Variants in SLC8A1 observed in about 807,000 individuals in gnomAD.
SLC8A1 encodes sodium/calcium exchanger 1.
SLC8A1 carries 18 observed loss-of-function variants against 68.3 expected under a neutral mutation model. That is an observed-to-expected ratio of 0.26 (90% CI 0.18 to 0.39). The LOEUF is 0.39. SLC8A1 is among the 10% of genes least tolerant of loss of function. The pLI, the probability that SLC8A1 is intolerant of heterozygous loss-of-function variation, is 1.00. For missense variants in SLC8A1, 985 were observed against 1,156.7 expected, an observed-to-expected ratio of 0.85 and a Z score of 2.15; for synonymous variants, 475 against 415.5, an observed-to-expected ratio of 1.14 and a Z score of -1.74.
upstream of SLC8A1, among the ~76,000 whole-genome samples, chr2:40,456,184 C>T (rs1360370360): frequency 5.9e-5 from 9 of 151,942 alleles, no homozygotes; most frequent in South Asian, 2.1e-4. Context: ...GGCGTGGTGG[C>T]GGGCACCTGT....
chr2:40,357,463 T>G (rs1575660583), intron 2 of SLC8A1, among the ~76,000 whole-genome samples: 1 of 138,134 alleles, frequency 7.2e-6, no homozygotes, highest in Admixed American at 8.0e-5. Context: ...TGCCACTGCA[T>G]GCCGGCCTGG....
intron 2 of SLC8A1, among the ~76,000 whole-genome samples, chr2:40,310,742 T>C (rs2073521134): frequency 6.6e-6 from 1 of 151,990 alleles, no homozygotes; most frequent in Non-Finnish European, 1.5e-5. Context: ...CTCCCTCCAC[T>C]CAGTAGAATA....
chr2:40,194,871 G>A (rs986057799), intron 2 of SLC8A1, among the ~76,000 whole-genome samples: 2 of 152,022 alleles, frequency 1.3e-5, no homozygotes, highest in African/African-American at 4.8e-5. Flanking sequence ...CAGGGAGTCT[G>A]TACAAAGCCA....
chr2:40,459,038 A>G (rs1314658463), intron 1 of SLC8A1, among the ~76,000 whole-genome samples: 2 of 152,194 alleles, frequency 1.3e-5, no homozygotes, highest in African/African-American at 4.8e-5. Context: ...TTCAACAAAT[A>G]TTTATAAGGA....
At chr2:40,447,545 C>A (rs888152717) in intron 1 of SLC8A1, among the ~76,000 whole-genome samples, 1 of 150,852 alleles carries the variant, frequency 6.6e-6, no homozygotes, top group African/African-American at 2.4e-5. Context: ...TTCCAGGCCC[C>A]CAGGACTTTG....
intron 2 of SLC8A1, among the ~76,000 whole-genome samples, chr2:40,304,959 G>C (rs1250504677): frequency 3.3e-5 from 5 of 152,162 alleles, no homozygotes; most frequent in Non-Finnish European, 5.9e-5. Flanking sequence ...TTAGGTCAGT[G>C]CTTCTAAACT....
Position 40,509,505 on chromosome 2 carries a change from C to G in SLC8A1, c.-25+2844G>C, listed in dbSNP as rs562820389. On this transcript the variant is annotated intron_variant, in intron 1 of 7. Coordinates refer to the SLC8A1 transcript ENST00000402441. ...ATCTTTTCCCTTGAAACATAATGAC[C>G]TTTTCTGTGGGCCAAAATTTTCCAG... Among the ~76,000 whole-genome samples the G allele has an allele frequency of 8.1e-4, 112 of 139,122 alleles. 1 individual carries two copies. Among genetic ancestry groups the G allele is most frequent in the Middle Eastern group, 4.2e-3 (1 of 236 alleles). The allele number at this position is 139,122 out of a possible 152,430, so 91.3% of individuals were successfully genotyped here. A position where few individuals can be genotyped will look rare whatever the true frequency, so the allele number is the denominator to read the frequency against.
chr2:40,125,143 G>A (rs2037791931), intron 7 of SLC8A1, among the ~76,000 whole-genome samples: 1 of 152,162 alleles, frequency 6.6e-6, no homozygotes, highest in African/African-American at 2.4e-5. Context: ...GAGTCTCTCT[G>A]GGAAGGAGTG....
intron 2 of SLC8A1, among the ~76,000 whole-genome samples, chr2:40,304,260 T>C (rs921322329): frequency 6.6e-6 from 1 of 152,180 alleles, no homozygotes; most frequent in African/African-American, 2.4e-5. Flanking sequence ...CCCTTTTAAT[T>C]AGAGTTTTAG....
chr2:40,108,624 C>T (rs2034374241), exon 8 of SLC8A1: 2 of 152,100 alleles, frequency 1.3e-5, no homozygotes, highest in Non-Finnish European at 2.9e-5. Flanking sequence ...GAAGGGAGAG[C>T]AAGGTATCTA....
At chr2:40,193,715 A>G (rs2052353303) in intron 2 of SLC8A1, among the ~76,000 whole-genome samples, 1 of 152,102 alleles carries the variant, frequency 6.6e-6, no homozygotes, top group Non-Finnish European at 1.5e-5. Flanking sequence ...AACTTTTAGT[A>G]CAATCACTAA....
In SLC8A1 at chr2:40,236,118, G is replaced by A. The variant is rs890365880; in HGVS notation, c.1809-58263C>T. 5.3e-5 allele frequency among the ~76,000 whole-genome samples: 8 copies of A among 152,022 alleles called. No individual in the cohort carries two copies. In the East Asian group the frequency reaches 9.7e-4, roughly 18 times the overall value. On this transcript the variant is annotated intron_variant, in intron 2 of 7. Transcript: ENST00000406785. ...AGTTCTGTAGATGTCTATTAGGTCC[G>A]CTTGGTGCAGAGCTGAGTTCAATTC...
chr2:40,473,821 C>T (rs973574845), intron 1 of SLC8A1, among the ~76,000 whole-genome samples: 3 of 152,152 alleles, frequency 2.0e-5, no homozygotes, highest in Admixed American at 1.3e-4. Context: ...CCTCAAGCAA[C>T]TTGGGTAGAT....
Position 40,498,089 on chromosome 2 carries a change from GT to G in SLC8A1, c.-25+14259del, listed in dbSNP as rs532671068. On this transcript the variant is annotated intron_variant, in intron 1 of 7. Coordinates refer to the SLC8A1 transcript ENST00000402441. Reference sequence around the variant, plus strand: ...AAAAGGGGATCTAAGCTGATTTTCAGTTTACAGTTAACCAAAGAGTTAGATA... The same window carrying G: ...AAAAGGGGATCTAAGCTGATTTTCAGTTACAGTTAACCAAAGAGTTAGATA... Among the ~76,000 whole-genome samples, 73 of 152,098 alleles carry G rather than the reference GT, an allele frequency of 4.8e-4. No individual in the cohort carries two copies. The East Asian group carries it at 0.011, about 23-fold the overall frequency.
chr2:40,139,072 TTTTTG>T (rs2041074030), intron 7 of SLC8A1, among the ~76,000 whole-genome samples: 1 of 152,158 alleles, frequency 6.6e-6, no homozygotes, highest in East Asian at 1.9e-4. Context: ...TGACTCTATA[TTTTTG>T]TTTTGTCTTT....
At chr2:40,169,969 C>T (rs118900) in intron 4 of SLC8A1, among the ~76,000 whole-genome samples, 39,505 of 152,058 alleles carry the variant, frequency 0.26, 6,294 homozygotes, top group East Asian at 0.79. Context: ...AACTTCATTA[C>T]ACTTGGGATA....
chr2:40,432,011 C>G (rs981738949), intron 1 of SLC8A1, among the ~76,000 whole-genome samples: 3 of 151,992 alleles, frequency 2.0e-5, no homozygotes, highest in Non-Finnish European at 4.4e-5. Flanking sequence ...AAGTAAAAGG[C>G]TGAAAAATAG....
intron 2 of SLC8A1, among the ~76,000 whole-genome samples, chr2:40,396,383 C>A (rs1306645487): frequency 6.6e-6 from 1 of 152,102 alleles, no homozygotes; most frequent in Non-Finnish European, 1.5e-5. Flanking sequence ...GAATGGTCTG[C>A]AAACCACTTA....
intron 2 of SLC8A1, among the ~76,000 whole-genome samples, chr2:40,274,111 T>G (rs1262443181): frequency 6.7e-6 from 1 of 149,800 alleles, no homozygotes; most frequent in Admixed American, 6.7e-5. Flanking sequence ...GGCTGAAGAG[T>G]CTGGAGTCAG....
Sources: gnomAD v4.1 joint callset for allele counts (sites outside exome capture counted in the v4.1 genomes callset) on GRCh38, gnomAD v4.1.1 for gene constraint, MANE v1.5 for transcripts, NCBI Gene and HGNC (gene_info 2026-07-23, HGNC 2026-07-21) for gene names.